The following ZNF385B variants were observed in gnomAD, a reference collection of about 807,000 sequenced individuals.
The protein encoded by ZNF385B is zinc finger protein 533.
A neutral mutation model predicts 39.2 loss-of-function variants in ZNF385B; 23 were observed. That is an observed-to-expected ratio of 0.59 (90% CI 0.42 to 0.83). The LOEUF is 0.83. ZNF385B is among the 40% of genes least tolerant of loss of function. The probability of loss-of-function intolerance (pLI) is 0.00; values close to 1 mark genes in which losing one functional copy is unlikely to be tolerated. For missense variants in ZNF385B, 552 were observed against 598.9 expected (o/e 0.92, Z 0.82); for synonymous variants, 205 against 222.6 (o/e 0.92, Z 0.70).
At chr2:179,614,590 C>T (rs182001778) in intron 3 of ZNF385B, among the ~76,000 whole-genome samples, 24 of 152,208 alleles carry the variant, frequency 1.6e-4, no homozygotes, top group African/African-American at 5.8e-4. Context: ...GAGGTAAAGC[C>T]AAAAGCCAAT....
At chr2:179,533,105 C>T (rs1429088460) in intron 4 of ZNF385B, among the ~76,000 whole-genome samples, 1 of 152,204 alleles carries the variant, frequency 6.6e-6, no homozygotes, top group Non-Finnish European at 1.5e-5. Context: ...CTTCAAAGAA[C>T]TCTACATCTG....
chr2:179,835,315 T>C (rs1382759080), intron 1 of ZNF385B, among the ~76,000 whole-genome samples: 2 of 152,176 alleles, frequency 1.3e-5, no homozygotes, highest in Non-Finnish European at 2.9e-5. Context: ...TTACGCAACT[T>C]TTCCATCTAT....
intron 3 of ZNF385B, among the ~76,000 whole-genome samples, chr2:179,595,336 T>G (rs1477945809): frequency 1.3e-5 from 2 of 152,312 alleles, no homozygotes; most frequent in South Asian, 4.1e-4. Context: ...ATTCAACAAC[T>G]ATGCCAACTT....
At chr2:179,517,097 C>A (rs2058144779) in intron 5 of ZNF385B, among the ~76,000 whole-genome samples, 2 of 151,924 alleles carry the variant, frequency 1.3e-5, no homozygotes, top group Middle Eastern at 3.4e-3. Flanking sequence ...TTCCATTGAT[C>A]CATGTGTCTA....
At chr2:179,643,131 G>GTTT (rs59495753) in intron 3 of ZNF385B, among the ~76,000 whole-genome samples, 41 of 150,464 alleles carry the variant, frequency 2.7e-4, no homozygotes, top group Middle Eastern at 6.9e-3. Context: ...AACTATTTTT[G>GTTT]TTTTTTTTTG....
chr2:179,626,074 T>A (rs1181147913), intron 3 of ZNF385B, among the ~76,000 whole-genome samples: 1 of 152,156 alleles, frequency 6.6e-6, no homozygotes, highest in East Asian at 1.9e-4. Flanking sequence ...TGTTTTAACA[T>A]GCCTCAGAAG....
chr2:179,780,989 C>T (rs963955914), intron 1 of ZNF385B, among the ~76,000 whole-genome samples: 27 of 152,142 alleles, frequency 1.8e-4, no homozygotes, highest in African/African-American at 6.3e-4. Context: ...GGGACTGCCC[C>T]AGGTAAAATG....
At chr2:179,562,541 T>C in intron 3 of ZNF385B, 1 of 985,390 alleles carries the variant, frequency 1.0e-6, no homozygotes, top group Non-Finnish European at 1.2e-6. Context: ...CAGGCAGTGC[T>C]TCTGAACAAA....
intron 3 of ZNF385B, among the ~76,000 whole-genome samples, chr2:179,657,265 C>T (rs1001353706): frequency 2.0e-5 from 3 of 152,328 alleles, no homozygotes; most frequent in African/African-American, 4.8e-5. Flanking sequence ...TAGTGGCCAT[C>T]ACCCTATTAT....
chr2:179,563,336 T>A (rs1012395034), intron 3 of ZNF385B, among the ~76,000 whole-genome samples: 2 of 152,168 alleles, frequency 1.3e-5, no homozygotes, highest in African/African-American at 4.8e-5. Flanking sequence ...CTAAGCTGAT[T>A]GTCATTGATA....
chr2:179,465,151 C>G (rs1003861463), intron 6 of ZNF385B, among the ~76,000 whole-genome samples: 1 of 152,072 alleles, frequency 6.6e-6, no homozygotes, highest in African/African-American at 2.4e-5. Context: ...TATTTTTCAC[C>G]TTTGATGTTC....
At chr2:179,653,550 T>C (rs990220844) in intron 3 of ZNF385B, among the ~76,000 whole-genome samples, 1 of 152,150 alleles carries the variant, frequency 6.6e-6, no homozygotes, top group Non-Finnish European at 1.5e-5. Flanking sequence ...TCTCTGTAAG[T>C]AGGTCCTTAA....
At chr2:179,712,687 T>C (rs1700080264) in intron 3 of ZNF385B, among the ~76,000 whole-genome samples, 1 of 152,176 alleles carries the variant, frequency 6.6e-6, no homozygotes. Context: ...TCGTATCTGA[T>C]GTACTAAATC....
chr2:179,560,776 G>C (rs901681252), intron 3 of ZNF385B, among the ~76,000 whole-genome samples: 2 of 152,160 alleles, frequency 1.3e-5, no homozygotes, highest in South Asian at 2.1e-4. Context: ...GAACTAGAAA[G>C]CACTCATAAA....
At chr2:179,719,879 C>T (rs570983776) in intron 3 of ZNF385B, among the ~76,000 whole-genome samples, 67 of 152,230 alleles carry the variant, frequency 4.4e-4, no homozygotes, top group Middle Eastern at 3.4e-3. Flanking sequence ...ATGTATTTTC[C>T]AAGTCCCCGC....
chr2:179,814,290 G>A, intron 1 of ZNF385B: 2 of 232,968 alleles, frequency 8.6e-6, no homozygotes, highest in Non-Finnish European at 1.8e-5. Flanking sequence ...CAGCTGGCAG[G>A]TGGACCAGGC....
intron 4 of ZNF385B, among the ~76,000 whole-genome samples, chr2:179,525,354 C>T (rs1417607062): frequency 6.6e-6 from 1 of 152,096 alleles, no homozygotes; most frequent in Non-Finnish European, 1.5e-5. Context: ...AGGATAAGCC[C>T]ATTACTTCCT....
chr2:179,463,644 G>C (rs2051623234), intron 6 of ZNF385B, among the ~76,000 whole-genome samples: 1 of 152,058 alleles, frequency 6.6e-6, no homozygotes, highest in Non-Finnish European at 1.5e-5. Flanking sequence ...GAGAATGATG[G>C]TTTCCAGCTT....
intron 1 of ZNF385B, among the ~76,000 whole-genome samples, chr2:179,856,670 G>A (rs1157016891): frequency 6.7e-6 from 1 of 148,674 alleles, no homozygotes; most frequent in Non-Finnish European, 1.5e-5. Flanking sequence ...AAGGAGAACA[G>A]CCACAATCCG....
Sources: allele counts gnomAD v4.1 joint callset (sites outside exome capture counted in the v4.1 genomes callset), GRCh38; gene constraint gnomAD v4.1.1; transcripts MANE v1.5; gene names NCBI Gene and HGNC (gene_info 2026-07-23, HGNC 2026-07-21).